The following ATG2B variants were observed in gnomAD, a reference collection of about 807,000 sequenced individuals.
The protein encoded by ATG2B is autophagy-related protein 2 homolog B.
Under a neutral mutation model 241.3 loss-of-function variants are expected in ATG2B, and 121 were observed. The ratio of observed to expected loss-of-function variants is 0.50; its 90% CI spans 0.43 to 0.58. The LOEUF (loss-of-function observed/expected upper bound fraction) is 0.58. Ranked by LOEUF, ATG2B falls within the 20% of genes least tolerant of loss-of-function variation. The pLI, the probability that ATG2B is intolerant of heterozygous loss-of-function variation, is 0.00. For synonymous variants in ATG2B, 858 were observed against 876.6 expected (o/e 0.98, Z 0.37); for missense variants, 2,306 against 2,491.6 (o/e 0.93, Z 1.59).
chr14:96,357,373 T>C (rs7147230), intron 1 of ATG2B, among the ~76,000 whole-genome samples: 7 of 152,328 alleles, frequency 4.6e-5, no homozygotes, highest in African/African-American at 1.7e-4. Flanking sequence ...CTCCTGCCAC[T>C]GTTATTCACT....
chr14:96,300,860 T>C (rs1886771418), intron 34 of ATG2B, among the ~76,000 whole-genome samples: 1 of 152,264 alleles, frequency 6.6e-6, no homozygotes, highest in Admixed American at 6.5e-5. Context: ...TTTTTGTTTA[T>C]AAATATTATT....
chr14:96,305,173 C>T (rs1040871499), intron 31 of ATG2B, among the ~76,000 whole-genome samples: 2 of 152,182 alleles, frequency 1.3e-5, no homozygotes, highest in African/African-American at 4.8e-5. Context: ...CTCACAGGCG[C>T]TCAATGACCA....
At chr14:96,352,605 T>C (rs1283717641) in intron 1 of ATG2B, among the ~76,000 whole-genome samples, 3 of 151,478 alleles carry the variant, frequency 2.0e-5, no homozygotes, top group African/African-American at 7.3e-5. Context: ...GACAAAAAAG[T>C]TTAAAAATTA....
rs180746457 is a variant in ATG2B at position 96,350,422 on chromosome 14, A to G, written c.163-3081T>C. Among the ~76,000 whole-genome samples, 428 of 152,354 alleles carry G rather than the reference A, an allele frequency of 2.8e-3. 9 individuals are homozygous for G. Among genetic ancestry groups the G allele is most frequent in the Non-Finnish European group, 1.5e-3 (99 of 68,036 alleles). On this transcript the variant is annotated intron_variant, in intron 1 of 41. Transcript: ENST00000359933. ...ACAGAGAAGAGTGGTCAAGCTCAAC[A>G]AAAGCTAACAAGAAGTCAAAGATTT... is the stretch of plus-strand genomic sequence containing the variant.
At chr14:96,357,720 A>T (rs953836195) in intron 1 of ATG2B, among the ~76,000 whole-genome samples, 6 of 151,732 alleles carry the variant, frequency 4.0e-5, no homozygotes, top group African/African-American at 1.2e-4. Flanking sequence ...ACATTCCATT[A>T]AAAAAATGGC....
intron 7 of ATG2B, among the ~76,000 whole-genome samples, chr14:96,334,129 T>C (rs529034853): frequency 1.3e-5 from 2 of 152,282 alleles, no homozygotes; most frequent in Non-Finnish European, 2.9e-5. Flanking sequence ...AGAATTATAC[T>C]TTCTCGATTG....
chr14:96,314,803 C>T (rs1215407691), intron 23 of ATG2B, among the ~76,000 whole-genome samples: 2 of 152,242 alleles, frequency 1.3e-5, no homozygotes, highest in East Asian at 1.9e-4. Context: ...CGGGTTCAAG[C>T]GATTCTCCTG....
At chr14:96,291,784 T>C (rs1886491489) in intron 37 of ATG2B, 102 bp from the exon 38 acceptor site, 1 of 799,910 alleles carries the variant, frequency 1.3e-6, no homozygotes, top group South Asian at 1.9e-5. Flanking sequence ...TCATTATTGA[T>C]ACTAAAACAC....
At chr14:96,295,697 T>A in intron 34 of ATG2B, 137 bp from the exon 35 acceptor site, 1 of 539,376 alleles carries the variant, frequency 1.9e-6, no homozygotes. Flanking sequence ...TCTTTCTCCA[T>A]GCTAGTCATT....
chr14:96,328,620 A>T (rs1887648154), intron 13 of ATG2B, 54 bp downstream of exon 13: 2 of 1,550,566 alleles, frequency 1.3e-6, no homozygotes. Context: ...ATTGTGACAA[A>T]ATATATATCA....
chr14:96,288,753 T>C (rs775325781), intron 41 of ATG2B, among the ~76,000 whole-genome samples: 8 of 148,578 alleles, frequency 5.4e-5, no homozygotes, highest in Admixed American at 1.4e-4. Flanking sequence ...CCTTATGTCA[T>C]ATTAAAAAGA....
At chr14:96,350,602 A>G (rs1348042838) in intron 1 of ATG2B, among the ~76,000 whole-genome samples, 1 of 152,220 alleles carries the variant, frequency 6.6e-6, no homozygotes, top group East Asian at 1.9e-4. Flanking sequence ...TCAAATTAAA[A>G]TAACATATTT....
chr14:96,319,939 T>C (rs1367164049), intron 18 of ATG2B, among the ~76,000 whole-genome samples: 1 of 152,126 alleles, frequency 6.6e-6, no homozygotes, highest in Non-Finnish European at 1.5e-5. Context: ...ATTTATATGA[T>C]CCCAGAAAGT....
In ATG2B at chr14:96,289,605, T is replaced by C; in HGVS notation, c.6006+51A>G. On this transcript the variant is annotated intron_variant, in intron 41 of 41. Coordinates refer to ENST00000359933, the MANE Select transcript of ATG2B (RefSeq NM_018036.7). The surrounding 1 kb of genome is among the most constrained non-coding windows in gnomAD (Gnocchi z 4.3). ...CATTAAATGCTCTTTAGGTGAAAGT[T>C]GGGAAAGCGCACAGAAGGGTTCTGA... is the stretch of plus-strand genomic sequence containing the variant. The C allele has an allele frequency of 2.5e-6, 4 of 1,591,080 alleles. No homozygotes were observed. The highest frequency in any genetic ancestry group is 3.4e-6 in the Non-Finnish European group (4 of 1,169,274).
At chr14:96,346,088 T>C (rs1888162346) in intron 2 of ATG2B, among the ~76,000 whole-genome samples, 2 of 152,182 alleles carry the variant, frequency 1.3e-5, no homozygotes, top group Admixed American at 1.3e-4. Flanking sequence ...CTTCTTTAGT[T>C]AATTATTTCC....
At chr14:96,362,789 C>T in intron 1 of ATG2B, 26 bp downstream of exon 1, 6 of 1,584,200 alleles carry the variant, frequency 3.8e-6, no homozygotes, top group Non-Finnish European at 5.2e-6. Flanking sequence ...GCGAGCCCCG[C>T]CCGGCTCGCC....
intron 14 of ATG2B, among the ~76,000 whole-genome samples, chr14:96,326,845 C>T (rs1356880121): frequency 1.3e-5 from 2 of 152,134 alleles, no homozygotes; most frequent in East Asian, 3.9e-4. Flanking sequence ...TGGGTGCAAG[C>T]CACCACACCC....
intron 6 of ATG2B, among the ~76,000 whole-genome samples, chr14:96,334,995 G>A (rs1161078050): frequency 2.0e-5 from 3 of 152,166 alleles, no homozygotes; most frequent in African/African-American, 2.4e-5. Context: ...AGTACCTACT[G>A]TGGTCCACAA....
At chr14:96,297,983 C>T (rs1886693683) in intron 34 of ATG2B, among the ~76,000 whole-genome samples, 1 of 151,692 alleles carries the variant, frequency 6.6e-6, no homozygotes, top group Non-Finnish European at 1.5e-5. Context: ...TTTGTAGAAA[C>T]AAGATCTCAC....
Sources: allele counts gnomAD v4.1 joint callset (sites outside exome capture counted in the v4.1 genomes callset), GRCh38; gene constraint gnomAD v4.1.1; non-coding constraint Gnocchi (gnomAD v3.1); transcripts MANE v1.5; gene names NCBI Gene and HGNC (gene_info 2026-07-23, HGNC 2026-07-21).